The following ADAMTS17 variants were observed in gnomAD, a reference collection of about 807,000 sequenced individuals.
ADAMTS17 encodes ADAM metallopeptidase with thrombospondin type 1 motif 17, also known as A disintegrin and metalloproteinase with thrombospondin motifs 17.
In ADAMTS17, 113 loss-of-function variants were observed where a neutral mutation model predicts 141.5. The ratio of observed to expected loss-of-function variants is 0.80; its 90% CI spans 0.69 to 0.93. The LOEUF is 0.93. Among genes scored for constraint, ADAMTS17 ranks in the 40% least tolerant of loss-of-function variants. The pLI is 0.00. For synonymous variants in ADAMTS17, 768 were observed against 630.6 expected (o/e 1.22, Z -3.27); for missense variants, 1,659 against 1,517.9 (o/e 1.09, Z -1.54).
chr15:100,011,056 G>C (rs1480963366), intron 18 of ADAMTS17, among the ~76,000 whole-genome samples: 3 of 151,778 alleles, frequency 2.0e-5, no homozygotes, highest in Non-Finnish European at 4.4e-5. Flanking sequence ...CGCAGACAAC[G>C]TTGTCTTTTG....
chr15:100,113,151 C>T (rs1057086934), intron 13 of ADAMTS17, among the ~76,000 whole-genome samples: 1 of 152,182 alleles, frequency 6.6e-6, no homozygotes, highest in African/African-American at 2.4e-5. Context: ...CAGCAGTGAG[C>T]ACCTGCCCAT....
rs1042462321 is a variant in ADAMTS17, at chr15:100,282,539, T to C, written c.617-1138A>G. ...AACGAATGGAATCATAACAATATAC[T>C]GTACTAAAAGTTATGTGAATGAGGT... On this transcript the variant is annotated intron_variant, in intron 3 of 21. Coordinates refer to ENST00000268070, the MANE Select transcript of ADAMTS17 (RefSeq NM_139057.4). 7.2e-5 allele frequency among the ~76,000 whole-genome samples: 11 copies of C among 152,354 alleles called. No homozygotes were observed. The South Asian group carries it at 1.9e-3, about 26-fold the overall frequency.
In ADAMTS17 at chr15:100,331,067, G is replaced by C. The variant is rs1857995887; in HGVS notation, c.451-13C>G. 6.2e-7 allele frequency: 1 copy of C among 1,614,040 alleles called. No homozygotes were observed. Among genetic ancestry groups the C allele is most frequent in the South Asian group, 1.1e-5 (1 of 91,086 alleles). On this transcript the variant is annotated splice_polypyrimidine_tract_variant and intron_variant, in intron 2 of 21. Coordinates refer to ENST00000268070, the MANE Select transcript of ADAMTS17 (RefSeq NM_139057.4). ...GAATGAGGCCAACCTGTCCAGAAAG[G>C]AGAAGGAAACGCGATGTCGGTCATC... is the stretch of plus-strand genomic sequence containing the variant.
At chr15:100,194,580 G>C (rs1016287331) in intron 8 of ADAMTS17, among the ~76,000 whole-genome samples, 2 of 152,168 alleles carry the variant, frequency 1.3e-5, no homozygotes, top group African/African-American at 4.8e-5. Context: ...GCATAGAGCT[G>C]AGCTTCTACT....
chr15:100,279,540 G>A (rs1275358921), intron 4 of ADAMTS17, among the ~76,000 whole-genome samples: 2 of 152,186 alleles, frequency 1.3e-5, no homozygotes, highest in South Asian at 2.1e-4. Context: ...CTGTCCTCTC[G>A]CGTCACTCCC....
At chr15:100,237,299 G>C (rs967100229) in intron 7 of ADAMTS17, among the ~76,000 whole-genome samples, 1 of 152,176 alleles carries the variant, frequency 6.6e-6, no homozygotes, top group South Asian at 2.1e-4. Context: ...TAAGCCTCAG[G>C]CCCCTGGGCT....
Position 100,008,032 on chromosome 15 carries a change from A to G in ADAMTS17, c.2592-10443T>C, listed in dbSNP as rs2061072406. Among the ~76,000 whole-genome samples, 2 of 152,068 alleles carry G rather than the reference A, an allele frequency of 1.3e-5. 1 individual carries two copies. The highest frequency in any genetic ancestry group is 4.1e-4 in the South Asian group (2 of 4,826). On this transcript the variant is annotated intron_variant, in intron 18 of 21. Coordinates refer to ENST00000268070, the MANE Select transcript of ADAMTS17 (RefSeq NM_139057.4). ...CTGCACCTGTAGTGCTGGGGCCTGA[A>G]AGGCATCTTTGGATTTGGCAGCAGG...
At chr15:100,091,319 A>T (rs1365055663) in intron 15 of ADAMTS17, among the ~76,000 whole-genome samples, 1 of 152,204 alleles carries the variant, frequency 6.6e-6, no homozygotes, top group Non-Finnish European at 1.5e-5. Context: ...AGAATTTACA[A>T]GGTAGATTCA....
chr15:100,281,750 C>G (rs545603227), intron 3 of ADAMTS17, among the ~76,000 whole-genome samples: 9 of 152,224 alleles, frequency 5.9e-5, no homozygotes, highest in African/African-American at 2.2e-4. Context: ...GAGGCCTGGA[C>G]CCAGCGGGCA....
chr15:99,983,035 A>C (rs773511922), intron 20 of ADAMTS17, among the ~76,000 whole-genome samples: 2 of 152,186 alleles, frequency 1.3e-5, no homozygotes, highest in African/African-American at 4.8e-5. Flanking sequence ...TTACTGTGTA[A>C]AAGAGATTTT....
At chr15:100,229,089 T>C (rs1002868545) in intron 7 of ADAMTS17, among the ~76,000 whole-genome samples, 6 of 152,098 alleles carry the variant, frequency 3.9e-5, no homozygotes, top group African/African-American at 1.4e-4. Context: ...CTACCACTGG[T>C]TCCAAGCCTG....
chr15:100,252,052 T>C (rs1053542620), intron 7 of ADAMTS17, among the ~76,000 whole-genome samples: 1 of 152,174 alleles, frequency 6.6e-6, no homozygotes, highest in Non-Finnish European at 1.5e-5. Flanking sequence ...AAAAGTAGTA[T>C]GATGATGTGG....
intron 11 of ADAMTS17, 119 bp downstream of exon 11, chr15:100,133,095 C>T (rs755904369): frequency 1.1e-4 from 105 of 975,790 alleles, no homozygotes; most frequent in Non-Finnish European, 1.5e-4. Context: ...CATTTCTGTG[C>T]CGCCTGGGGG....
chr15:100,100,912 C>T (rs978536927), intron 14 of ADAMTS17, among the ~76,000 whole-genome samples: 3 of 152,060 alleles, frequency 2.0e-5, no homozygotes, highest in African/African-American at 7.3e-5. Flanking sequence ...AATCCAACCC[C>T]CTCCAGCCCA....
intron 7 of ADAMTS17, among the ~76,000 whole-genome samples, chr15:100,209,907 G>C (rs550831977): frequency 2.6e-5 from 4 of 152,326 alleles, no homozygotes; most frequent in African/African-American, 9.6e-5. Context: ...GTCAATGTCT[G>C]TCTTTAAAAT....
At position 100,272,841 on chromosome 15, in the gene ADAMTS17, G is replaced by A. The variant is rs528217271; in HGVS notation, c.789+8388C>T. On this transcript the variant is annotated intron_variant, in intron 4 of 21. Coordinates refer to ENST00000268070, the MANE Select transcript of ADAMTS17 (RefSeq NM_139057.4). ...TATTAGCTGTGAGTTTTTCATATAT[G>A]ACCTTTATAATGTTGAGGTAGTTTC... Among the ~76,000 whole-genome samples, 5 of 151,946 alleles carry A rather than the reference G, an allele frequency of 3.3e-5. No homozygotes were observed. In the South Asian group the frequency reaches 8.3e-4, roughly 25 times the overall value.
At position 100,005,840 on chromosome 15, in the gene ADAMTS17, GT is replaced by G. The variant is rs143525214; in HGVS notation, c.2592-8252del. ...AGAAGTCCAAAACCATGGTGTCAGT[GT>G]GGCTGGTCCTCCCAAGGGCCCTGAA... is the stretch of plus-strand genomic sequence containing the variant. On this transcript the variant is annotated intron_variant, in intron 18 of 21. Coordinates refer to ENST00000268070, the MANE Select transcript of ADAMTS17 (RefSeq NM_139057.4). Among the ~76,000 whole-genome samples, 419 of 152,266 alleles carry G rather than the reference GT, an allele frequency of 2.8e-3. 1 individual carries two copies. Among genetic ancestry groups the G allele is most frequent in the African/African-American group, 9.8e-3 (409 of 41,542 alleles).
At chr15:100,288,356 A>G (rs1425925841) in intron 3 of ADAMTS17, among the ~76,000 whole-genome samples, 1 of 152,250 alleles carries the variant, frequency 6.6e-6, no homozygotes, top group African/African-American at 2.4e-5. Context: ...ACACAGAAGC[A>G]GATTCATAAA....
intron 15 of ADAMTS17, 127 bp downstream of exon 15, chr15:100,096,229 G>A: frequency 6.7e-7 from 1 of 1,494,440 alleles, no homozygotes; most frequent in Non-Finnish European, 9.1e-7. Context: ...TGAAACTGAA[G>A]TTCCAGGTCA....
Sources: gnomAD v4.1 joint callset for allele counts (sites outside exome capture counted in the v4.1 genomes callset) on GRCh38, gnomAD v4.1.1 for gene constraint, MANE v1.5 for transcripts, NCBI Gene and HGNC (gene_info 2026-07-23, HGNC 2026-07-21) for gene names.